The following SNED1 variants were observed in gnomAD, a reference collection of about 807,000 sequenced individuals.
SNED1 encodes sushi, nidogen and EGF-like domain-containing protein 1.
A neutral mutation model predicts 166.7 loss-of-function variants in SNED1; 81 were observed. That is an observed-to-expected ratio of 0.49 (90% CI 0.41 to 0.58). The LOEUF is 0.58. SNED1 is among the 20% of genes least tolerant of loss of function. The probability of loss-of-function intolerance (pLI) is 0.00; values close to 1 mark genes in which losing one functional copy is unlikely to be tolerated. For missense variants in SNED1, 1,604 were observed against 2,000.2 expected, an observed-to-expected ratio of 0.80 and a Z score of 3.78; for synonymous variants, 762 against 822.0, an observed-to-expected ratio of 0.93 and a Z score of 1.25.
chr2:241,037,058 G>A, intron 5 of SNED1, 143 bp downstream of exon 5: 1 of 1,144,572 alleles, frequency 8.7e-7, no homozygotes, highest in Non-Finnish European at 1.2e-6. Context: ...TTGCTTAGGG[G>A]ACCACTGGGG....
intron 8 of SNED1, among the ~76,000 whole-genome samples, chr2:241,043,301 A>G (rs1390125754): frequency 6.6e-6 from 1 of 152,190 alleles, no homozygotes; most frequent in African/African-American, 2.4e-5. Context: ...GCGAAACAAG[A>G]ATGAAACAGA....
Position 241,012,822 on chromosome 2 carries a change from T to C in SNED1, c.213+13772T>C, listed in dbSNP as rs1199514741. Reference sequence around the variant, plus strand: ...AAACGAGGCAGTACTGTGTTTTTTTTTTCTTTTTTTTTTTTTTTTGTTGTT... The same window carrying C: ...AAACGAGGCAGTACTGTGTTTTTTTCTTCTTTTTTTTTTTTTTTTGTTGTT... On this transcript the variant is annotated intron_variant, in intron 1 of 31. Coordinates refer to ENST00000310397, the MANE Select transcript of SNED1 (RefSeq NM_001080437.3). 2.6e-5 allele frequency among the ~76,000 whole-genome samples: 3 copies of C among 114,998 alleles called. No homozygotes were observed. In the East Asian group the frequency reaches 1.1e-3, roughly 40 times the overall value. The allele number at this position is 114,998 out of a possible 152,430, so 75.4% of individuals were successfully genotyped here.
Position 241,037,379 on chromosome 2 carries a change from G to A in SNED1, c.1045+26G>A, listed in dbSNP as rs377485916. ...GTAAGAGGAACCCACCGGGGCCCACGGGGCCCTGCTGGGGGCAGGATAGCG... is the reference window on the plus strand; with the variant it reads ...GTAAGAGGAACCCACCGGGGCCCACAGGGCCCTGCTGGGGGCAGGATAGCG... On this transcript the variant is annotated intron_variant, in intron 6 of 31. Coordinates refer to ENST00000310397, the MANE Select transcript of SNED1 (RefSeq NM_001080437.3). The A allele has an allele frequency of 9.1e-3, 13,604 of 1,489,650 alleles. 78 individuals are homozygous for A. The highest frequency in any genetic ancestry group is 0.011 in the Non-Finnish European group (11,982 of 1,081,388). 92.3% of individuals were successfully genotyped at this position (1,489,650 alleles called of 1,614,324 possible).
intron 8 of SNED1, among the ~76,000 whole-genome samples, chr2:241,043,075 C>T (rs907371331): frequency 6.6e-6 from 1 of 151,918 alleles, no homozygotes; most frequent in Non-Finnish European, 1.5e-5. Flanking sequence ...TTGGAGTCTG[C>T]GAAGGAGGAT....
At chr2:241,050,234 T>C (rs901663612) in intron 12 of SNED1, among the ~76,000 whole-genome samples, 10 of 152,378 alleles carry the variant, frequency 6.6e-5, no homozygotes, top group African/African-American at 2.4e-4. Context: ...AATTTTATTT[T>C]TAAAATTTCC....
At chr2:241,082,390 T>TA (rs1392239605) in intron 29 of SNED1, 26 bp downstream of exon 29, 2 of 1,577,120 alleles carry the variant, frequency 1.3e-6, no homozygotes, top group Non-Finnish European at 8.7e-7. Flanking sequence ...TCCTCCGCCT[T>TA]ACCGCATTTG....
At position 241,013,435 on chromosome 2, in the gene SNED1, C is replaced by T. The variant is rs1293685408; in HGVS notation, c.213+14385C>T. Among the ~76,000 whole-genome samples the T allele has an allele frequency of 6.6e-6, 1 of 152,174 alleles. No homozygotes were observed. The highest frequency in any genetic ancestry group is 1.5e-5 in the Non-Finnish European group (1 of 68,030). On this transcript the variant is annotated intron_variant, in intron 1 of 31. Transcript: ENST00000310397. The surrounding 1 kb of genome is among the most constrained non-coding windows in gnomAD (Gnocchi z 4.6). ...ATCCTCCCACTTCAGCCACACCCCA[C>T]TCCACCCCACCCCGCTGGCCCTAGT...
chr2:241,086,217 G>C (rs903779986), intron 29 of SNED1, among the ~76,000 whole-genome samples: 1 of 152,152 alleles, frequency 6.6e-6, no homozygotes, highest in Non-Finnish European at 1.5e-5. Flanking sequence ...CTCTACTCTG[G>C]CTCTGGAAAT....
chr2:241,036,351 C>A (rs1286931810), intron 4 of SNED1, among the ~76,000 whole-genome samples: 1 of 151,940 alleles, frequency 6.6e-6, no homozygotes, highest in Non-Finnish European at 1.5e-5. Flanking sequence ...AGGGACACAG[C>A]CCTCCTGCAG....
Position 241,092,259 on chromosome 2 carries a change from G to C in SNED1, c.*623G>C, listed in dbSNP as rs2064075613. ...CTAGTTAACACTAAGGTGGAGTTCA[G>C]ACTTTTTTAGACAACGGCGCGACTG... On this transcript the variant is annotated 3_prime_UTR_variant, in exon 32 of 32. Transcript: ENST00000310397. The surrounding 1 kb of genome is among the most constrained non-coding windows in gnomAD (Gnocchi z 4.6). 6.6e-6 allele frequency: 1 copy of C among 152,208 alleles called. No individual in the cohort carries two copies. Among genetic ancestry groups the C allele is most frequent in the South Asian group, 2.1e-4 (1 of 4,832 alleles). The allele number at this position is 152,208 out of a possible 1,614,324, so 9.4% of individuals were successfully genotyped here. A position where few individuals can be genotyped will look rare whatever the true frequency, so the allele number is the denominator to read the frequency against.
At chr2:241,015,369 C>T (rs1475076433) in intron 1 of SNED1, among the ~76,000 whole-genome samples, 1 of 152,184 alleles carries the variant, frequency 6.6e-6, no homozygotes. Context: ...TTTTTTCACA[C>T]TATCGTAAAT....
chr2:240,998,871 G>A lies in SNED1; in HGVS notation c.34G>A (p.Ala12Thr), dbSNP rs1200981054. The A allele has an allele frequency of 6.6e-6, 8 of 1,210,726 alleles. No homozygotes were observed. Among genetic ancestry groups the A allele is most frequent in the South Asian group, 3.6e-5 (1 of 27,590 alleles). 75.0% of individuals were successfully genotyped at this position (1,210,726 alleles called of 1,614,324 possible). Residue 12 changes from alanine (A) to threonine (T), a missense_variant, in exon 1 of 32, where the codon GCC becomes ACC. Around this residue, in one of 2 missense-constraint regions of SNED1, gnomAD observed 1,237 missense variants for 1,620.8 expected, o/e 0.76. Transcript: ENST00000310397. ...RHGVAWALLV[A>T]AALGLGARGV... ...CGGCGTCGCCTGGGCGCTGCTGGTGGCCGCGGCCCTGGGGCTTGGGGCGCG... is the reference window on the plus strand; with the variant it reads ...CGGCGTCGCCTGGGCGCTGCTGGTGACCGCGGCCCTGGGGCTTGGGGCGCG...
At chr2:241,082,247 C>T in intron 28 of SNED1, 30 bp from the exon 29 acceptor site, 1 of 1,570,140 alleles carries the variant, frequency 6.4e-7, no homozygotes, top group East Asian at 2.3e-5. Context: ...TCAGGAGCAC[C>T]TGGTGAGCCA....
At chr2:241,014,857 G>A (rs561659986) in intron 1 of SNED1, among the ~76,000 whole-genome samples, 2 of 152,240 alleles carry the variant, frequency 1.3e-5, no homozygotes, top group East Asian at 3.9e-4. Flanking sequence ...CCGAGGTAGA[G>A]TCACGCAGGT....
intron 31 of SNED1, chr2:241,090,117 T>C: frequency 6.7e-7 from 1 of 1,490,592 alleles, no homozygotes; most frequent in South Asian, 1.3e-5. Flanking sequence ...ACTTTTTAAC[T>C]CTTTTTAATA....
intron 1 of SNED1, among the ~76,000 whole-genome samples, chr2:241,001,983 G>T (rs889749067): frequency 6.6e-6 from 1 of 152,160 alleles, no homozygotes; most frequent in Non-Finnish European, 1.5e-5. Context: ...GTGCCACACC[G>T]CAAGTCTGCT....
chr2:241,030,128 C>G (rs1381662517), intron 1 of SNED1, among the ~76,000 whole-genome samples, 156 bp from the exon 2 acceptor site: 1 of 152,224 alleles, frequency 6.6e-6, no homozygotes, highest in Non-Finnish European at 1.5e-5. Context: ...GGGCCCATCT[C>G]AGGGACGGGG....
intron 16 of SNED1, among the ~76,000 whole-genome samples, chr2:241,058,384 A>G (rs867954837): frequency 2.6e-5 from 4 of 151,766 alleles, no homozygotes; most frequent in South Asian, 2.1e-4. Context: ...AGAAGTTAGG[A>G]AAAAAAATAC....
chr2:241,041,714 A>C (rs904116595), intron 8 of SNED1, among the ~76,000 whole-genome samples: 4 of 152,158 alleles, frequency 2.6e-5, no homozygotes, highest in Admixed American at 6.5e-5. Flanking sequence ...GGAAGAAGAA[A>C]GAAACAACAG....
Sources: gnomAD v4.1 joint callset for allele counts (sites outside exome capture counted in the v4.1 genomes callset) on GRCh38, gnomAD v4.1.1 for gene constraint, gnomAD v4.1.1 regional missense constraint, Gnocchi (gnomAD v3.1) non-coding constraint, MANE v1.5 for transcripts, NCBI Gene and HGNC (gene_info 2026-07-23, HGNC 2026-07-21) for gene names.